The following NRP2 variants were observed in gnomAD, a reference collection of about 807,000 sequenced individuals.
The protein encoded by NRP2 is neuropilin 2.
NRP2 carries 52 observed loss-of-function variants against 110.4 expected under a neutral mutation model. That is an observed-to-expected ratio of 0.47 (90% CI 0.38 to 0.59). The LOEUF is 0.59. Ranked by LOEUF, NRP2 falls within the 20% of genes least tolerant of loss-of-function variation. NRP2 has a pLI of 0.00. For synonymous variants in NRP2, 508 were observed against 468.9 expected, an observed-to-expected ratio of 1.08 and a Z score of -1.08; for missense variants, 1,049 against 1,203.0, an observed-to-expected ratio of 0.87 and a Z score of 1.89.
At chr2:205,718,675 C>G (rs1286071124) in intron 3 of NRP2, among the ~76,000 whole-genome samples, 2 of 152,236 alleles carry the variant, frequency 1.3e-5, no homozygotes, top group Non-Finnish European at 2.9e-5. Flanking sequence ...GGCGCAGTGG[C>G]TCACACCTGT....
intron 10 of NRP2, 108 bp downstream of exon 10, chr2:205,745,998 G>A: frequency 7.7e-7 from 1 of 1,293,884 alleles, no homozygotes; most frequent in Non-Finnish European, 1.1e-6. Context: ...CCCAGGAGCT[G>A]GAAATGCTGC....
rs141877635 is a variant in NRP2, at chr2:205,716,156, C to G, written c.252-37C>G. On this transcript the variant is annotated intron_variant, in intron 2 of 16. Transcript: ENST00000357785. The stretch of plus-strand genomic sequence containing the variant: ...ACACAGTGGTCCTTCTCATGTCCTT[C>G]GAGTGATCTTTTCTTGTCTGTGCCA... The G allele has an allele frequency of 3.4e-3, 5,481 of 1,607,036 alleles. 29 individuals carry two copies. The highest frequency in any genetic ancestry group is 0.014 in the African/African-American group (1,030 of 74,896).
intron 3 of NRP2, among the ~76,000 whole-genome samples, chr2:205,720,262 C>CTTTTTTT (rs202203741): frequency 2.3e-5 from 3 of 129,168 alleles, no homozygotes; most frequent in Non-Finnish European, 5.0e-5. Flanking sequence ...TTTTTTCTTT[C>CTTTTTTT]TTTTTTTTTT....
chr2:205,696,119 G>C (rs550535157), intron 1 of NRP2, among the ~76,000 whole-genome samples: 1 of 152,226 alleles, frequency 6.6e-6, no homozygotes, highest in South Asian at 2.1e-4. Context: ...ATGCCGAAAA[G>C]GCTACTTGTG....
At chr2:205,760,542 C>G (rs870068) in intron 12 of NRP2, among the ~76,000 whole-genome samples, 13,308 of 152,112 alleles carry the variant, frequency 0.087, 880 homozygotes, top group African/African-American at 0.17. Context: ...CTAGCATTAA[C>G]TCCCTGGTCT....
In NRP2 at chr2:205,776,182, A is replaced by C. The variant is rs759472654; in HGVS notation, c.2425+9379A>C. 41 of 1,469,504 alleles carry C rather than the reference A, an allele frequency of 2.8e-5. No homozygotes were observed. In the East Asian group the frequency reaches 9.3e-4, roughly 33 times the overall value. The allele number at this position is 1,469,504 out of a possible 1,614,324, so 91.0% of individuals were successfully genotyped here. Reference sequence around the variant, plus strand: ...TGTGTGTGTTTCTTTCTTTTTTTAAATTAGTCTTTTGATTAGTCTGCATGC... The same window carrying C: ...TGTGTGTGTTTCTTTCTTTTTTTAACTTAGTCTTTTGATTAGTCTGCATGC... On this transcript the variant is annotated intron_variant, in intron 15 of 16. Transcript: ENST00000357785.
chr2:205,716,133 A>T, intron 2 of NRP2, 60 bp from the exon 3 acceptor site: 1 of 1,548,754 alleles, frequency 6.5e-7, no homozygotes, highest in Non-Finnish European at 8.9e-7. Context: ...TGGGAGCGAC[A>T]CAGTGGTCCT....
intron 15 of NRP2, chr2:205,779,233 G>T (rs533484639): frequency 2.0e-5 from 3 of 152,226 alleles, no homozygotes; most frequent in Non-Finnish European, 2.9e-5. Flanking sequence ...ACACCTTCAG[G>T]AGGGAAGCCC....
At chr2:205,689,761 C>T (rs2056263784) in intron 1 of NRP2, among the ~76,000 whole-genome samples, 1 of 152,176 alleles carries the variant, frequency 6.6e-6, no homozygotes, top group Non-Finnish European at 1.5e-5. Context: ...CCCCTTCCAT[C>T]CTTCAACACT....
intron 15 of NRP2, among the ~76,000 whole-genome samples, chr2:205,786,372 G>T (rs765169901): frequency 6.6e-6 from 1 of 152,156 alleles, no homozygotes; most frequent in African/African-American, 2.4e-5. Context: ...AAAATCCAGC[G>T]ATTTAACTGG....
intron 12 of NRP2, chr2:205,756,335 G>A (rs1475920099): frequency 2.0e-5 from 3 of 152,212 alleles, no homozygotes; most frequent in African/African-American, 7.2e-5. Context: ...CCCTTACTAG[G>A]AGATGGCATG....
At chr2:205,718,058 G>A (rs559716210) in intron 3 of NRP2, among the ~76,000 whole-genome samples, 21 of 152,274 alleles carry the variant, frequency 1.4e-4, no homozygotes, top group Non-Finnish European at 2.5e-4. Flanking sequence ...CTATTCAATA[G>A]CAAGGTCCCT....
chr2:205,730,558 C>CCTGCT (rs985196200), intron 7 of NRP2, among the ~76,000 whole-genome samples: 6 of 152,196 alleles, frequency 3.9e-5, no homozygotes, highest in South Asian at 2.1e-4. Flanking sequence ...AAGGCAACCG[C>CCTGCT]CTGCTCTGCT....
Position 205,723,832 on chromosome 2 carries a change from C to A in NRP2, c.712C>A (p.Leu238Ile). ...CTGTGGGACCAAAACACCCTCTGAA[C>A]TTCGTTCATCGACGGGGATCCTCTC... ...KYCGTKTPSE[L>I]RSSTGILSLT... Residue 238 changes from leucine (L) to isoleucine (I), a missense_variant, in exon 5 of 17, where the codon CTT (leucine) becomes ATT (isoleucine). By Grantham distance (5) the Leu-to-Ile change is conservative (BLOSUM62 2). Transcript: ENST00000357785. The A allele has an allele frequency of 2.5e-6, 4 of 1,614,230 alleles. No homozygotes were observed. The highest frequency in any genetic ancestry group is 1.1e-5 in the South Asian group (1 of 91,078).
At chr2:205,694,927 G>C (rs920082676) in intron 1 of NRP2, among the ~76,000 whole-genome samples, 1 of 152,176 alleles carries the variant, frequency 6.6e-6, no homozygotes, top group Non-Finnish European at 1.5e-5. Flanking sequence ...TATCTTTGTG[G>C]ATATATGTTT....
chr2:205,716,892 A>G (rs1371564278), intron 3 of NRP2, among the ~76,000 whole-genome samples: 1 of 152,132 alleles, frequency 6.6e-6, no homozygotes, highest in African/African-American at 2.4e-5. Context: ...TTGGCAGTCC[A>G]TGTTACCACC....
intron 2 of NRP2, among the ~76,000 whole-genome samples, chr2:205,704,448 G>A (rs1211094284): frequency 6.6e-6 from 1 of 152,192 alleles, no homozygotes; most frequent in Non-Finnish European, 1.5e-5. Flanking sequence ...TAAGGAGCCA[G>A]TGAGCAGTAA....
intron 15 of NRP2, among the ~76,000 whole-genome samples, chr2:205,773,101 A>G (rs950655213): frequency 6.6e-6 from 1 of 152,140 alleles, no homozygotes; most frequent in African/African-American, 2.4e-5. Context: ...TTTAACCCCT[A>G]TTGATTTATC....
chr2:205,707,083 G>A (rs573889500), intron 2 of NRP2, among the ~76,000 whole-genome samples: 20 of 152,304 alleles, frequency 1.3e-4, no homozygotes, highest in African/African-American at 4.8e-4. Context: ...ATGGTCTTAT[G>A]AGGCTCTAGC....
Sources: gnomAD v4.1 joint callset for allele counts (sites outside exome capture counted in the v4.1 genomes callset) on GRCh38, gnomAD v4.1.1 for gene constraint, MANE v1.5 for transcripts, NCBI Gene and HGNC (gene_info 2026-07-23, HGNC 2026-07-21) for gene names.